Variants in A1BG observed in about 807,000 individuals in gnomAD.
A1BG encodes alpha-1B-glycoprotein.
A neutral mutation model predicts 46.0 loss-of-function variants in A1BG; 44 were observed. That is an observed-to-expected ratio of 0.96 (90% CI 0.75 to 1.23). The LOEUF is 1.23. A1BG is among the 50% of genes most tolerant of loss of function. The probability of loss-of-function intolerance (pLI) is 0.00; values close to 1 mark genes in which losing one functional copy is unlikely to be tolerated. For synonymous variants in A1BG, 316 were observed against 314.7 expected, an observed-to-expected ratio of 1.00 and a Z score of -0.04; for missense variants, 707 against 688.8, an observed-to-expected ratio of 1.03 and a Z score of -0.30.
chr19:58,350,209 C>T, intron 6 of A1BG, 161 bp downstream of exon 6: 1 of 951,186 alleles, frequency 1.1e-6, no homozygotes, highest in Non-Finnish European at 1.5e-6. Context: ...CGTCCCCAGA[C>T]CCTCGACCAC....
At chr19:58,349,658 A>C (rs975901568) in intron 6 of A1BG, 1 of 151,516 alleles carries the variant, frequency 6.6e-6, no homozygotes, top group Non-Finnish European at 1.5e-5. Flanking sequence ...CAAAAAAAAA[A>C]CAAAAAGGAG....
chr19:58,347,694 G>GGCCGCGCCCAT (rs1600502612), intron 6 of A1BG, 54 bp from the exon 7 acceptor site: 18 of 862,802 alleles, frequency 2.1e-5, no homozygotes, highest in Non-Finnish European at 2.8e-5. Context: ...CCACGCCCCA[G>GGCCGCGCCCAT]GCCACACCCC....
rs199736604 is a variant in A1BG at position 58,353,445 on chromosome 19, G to C, written c.-8C>G. 1 of 1,608,226 alleles carries C rather than the reference G, an allele frequency of 6.2e-7. No individual in the cohort carries two copies. The highest frequency in any genetic ancestry group is 1.7e-5 in the Admixed American group (1 of 59,320). ...GACCACGAGCATGGACATGATGGTC[G>C]CGCTCACTCCGGTGCAGTGAGTGTC... On this transcript the variant is annotated 5_prime_UTR_variant, in exon 1 of 8. Transcript: ENST00000263100.
At chr19:58,347,738 C>T (rs2051926745) in intron 6 of A1BG, 98 bp from the exon 7 acceptor site, 1 of 734,438 alleles carries the variant, frequency 1.4e-6, no homozygotes, top group Non-Finnish European at 1.9e-6. Context: ...GCGCCTGCGC[C>T]TCAGCCCCGG....
rs1038275863 is a variant in A1BG, at chr19:58,346,698, G to A, written c.*324C>T. ...TGCAACACTGCACTCCAGCCTGGGT[G>A]ACAGTGTGAGACCCTGTCTCAAAAA... On this transcript the variant is annotated 3_prime_UTR_variant, in exon 8 of 8. Coordinates refer to ENST00000263100, the MANE Select transcript of A1BG (RefSeq NM_130786.4). 1 of 409,458 alleles carries A rather than the reference G, an allele frequency of 2.4e-6. No homozygotes were observed. The highest frequency in any genetic ancestry group is 2.1e-5 in the African/African-American group (1 of 48,018). 25.4% of individuals were successfully genotyped at this position (409,458 alleles called of 1,614,324 possible).
intron 5 of A1BG, 71 bp downstream of exon 5, chr19:58,351,320 C>T (rs1243394952): frequency 6.4e-7 from 1 of 1,567,778 alleles, no homozygotes; most frequent in African/African-American, 1.3e-5. Flanking sequence ...CTTCCCCAGA[C>T]TCTACACCTG....
rs1255801696 is a variant in A1BG at position 58,351,792 on chromosome 19, A to ATT, written c.614-107_614-106dup. ...GTGGCAATCCCAGGAACACCCTTCCATTCTTTTTTTTTTTTTTTTTTGAAA... is the reference window on the plus strand; with the variant it reads ...GTGGCAATCCCAGGAACACCCTTCCATTTTCTTTTTTTTTTTTTTTTTTGAAA... On this transcript the variant is annotated intron_variant, in intron 4 of 7. Coordinates refer to ENST00000263100, the MANE Select transcript of A1BG (RefSeq NM_130786.4). 588 of 967,164 alleles carry ATT rather than the reference A, an allele frequency of 6.1e-4. 2 individuals are homozygous for ATT. The African/African-American group carries it at 7.6e-3, about 13-fold the overall frequency. 59.9% of individuals were successfully genotyped at this position (967,164 alleles called of 1,614,324 possible).
In A1BG at chr19:58,351,500, G is replaced by C. The variant is rs778577569; in HGVS notation, c.801C>G (p.Asn267Lys). Residue 267 changes from asparagine to lysine, a missense_variant, in exon 5 of 8, where the codon AAC (asparagine) becomes AAG (lysine). Asn to Lys is a moderately conservative substitution (Grantham distance 94). Transcript: ENST00000263100. ...TSPDRIFFHL[N>K]AVALGDGGHY... ...GACCTCCATCCCCCAGGGCCACCGC[G>C]TTCAGGTGAAAGAAGATGCGATCTG... is the stretch of plus-strand genomic sequence containing the variant. The C allele has an allele frequency of 6.2e-7, 1 of 1,613,860 alleles. No homozygotes were observed.
In A1BG at chr19:58,351,792, ATTC is replaced by A. The variant is rs994980754; in HGVS notation, c.614-108_614-106del. Reference sequence around the variant, plus strand: ...GTGGCAATCCCAGGAACACCCTTCCATTCTTTTTTTTTTTTTTTTTTGAAACGG... The same window carrying A: ...GTGGCAATCCCAGGAACACCCTTCCATTTTTTTTTTTTTTTTTTGAAACGG... On this transcript the variant is annotated intron_variant, in intron 4 of 7. Transcript: ENST00000263100. 1.0e-5 allele frequency: 10 copies of A among 968,456 alleles called. No individual in the cohort carries two copies. In the African/African-American group the frequency reaches 1.8e-4, roughly 17 times the overall value. 60.0% of individuals were successfully genotyped at this position (968,456 alleles called of 1,614,324 possible).
chr19:58,352,256 G>A (rs1224125957), intron 4 of A1BG, 27 bp downstream of exon 4: 1 of 1,608,256 alleles, frequency 6.2e-7, no homozygotes, highest in African/African-American at 1.3e-5. Flanking sequence ...TCCCCCAGCA[G>A]CCCCCAGAGA....
chr19:58,351,832 T>C, intron 4 of A1BG, 145 bp from the exon 5 acceptor site: 2 of 922,738 alleles, frequency 2.2e-6, no homozygotes, highest in Non-Finnish European at 3.2e-6. Flanking sequence ...GTTTCGCTCT[T>C]GTTGCCCAGG....
Position 58,351,379 on chromosome 19 carries a change from GC to G in A1BG, c.910+11del. On this transcript the variant is annotated intron_variant, in intron 5 of 7. Transcript: ENST00000263100. ...CCCAGCCGCGTCCCTGTCCCTGCTG[GC>G]CCCGGCTCACCATCGCTCAGAATCA... 2 of 1,606,420 alleles carry G rather than the reference GC, an allele frequency of 1.2e-6. No individual in the cohort carries two copies. Among genetic ancestry groups the G allele is most frequent in the Non-Finnish European group, 1.7e-6 (2 of 1,179,210 alleles).
At chr19:58,353,221 C>T (rs779208342) in intron 2 of A1BG, 24 bp from the exon 3 acceptor site, 7 of 1,613,482 alleles carry the variant, frequency 4.3e-6, no homozygotes, top group Non-Finnish European at 5.9e-6. Context: ...CTGGGATCAG[C>T]TCAGTGCCAC....
rs1600502436 is a variant in A1BG, at chr19:58,347,650, G to A, written c.1193-10C>T. The A allele has an allele frequency of 2.5e-5, 34 of 1,386,520 alleles. No homozygotes were observed. The highest frequency in any genetic ancestry group is 2.9e-5 in the Non-Finnish European group (31 of 1,084,578). The allele number at this position is 1,386,520 out of a possible 1,614,324, so 85.9% of individuals were successfully genotyped here. A position where few individuals can be genotyped will look rare whatever the true frequency, so the allele number is the denominator to read the frequency against. On this transcript the variant is annotated splice_polypyrimidine_tract_variant and intron_variant, in intron 6 of 7. Transcript: ENST00000263100. ...GGCCTGGGAGGGGGTCCTGGGCGGAGCGGGCGGGTGGTCGGGCCAGGCCAC... is the reference window on the plus strand; with the variant it reads ...GGCCTGGGAGGGGGTCCTGGGCGGAACGGGCGGGTGGTCGGGCCAGGCCAC...
chr19:58,347,193 G>A (rs2051919145), intron 7 of A1BG, among the ~76,000 whole-genome samples, 160 bp downstream of exon 7: 1 of 152,140 alleles, frequency 6.6e-6, no homozygotes, highest in Non-Finnish European at 1.5e-5. Flanking sequence ...GCCTTTGCTG[G>A]GCGGTTCCTC....
rs2051912090 is a variant in A1BG at position 58,346,114 on chromosome 19, T to C, written c.*908A>G. On this transcript the variant is annotated 3_prime_UTR_variant, in exon 8 of 8. Transcript: ENST00000263100. The stretch of plus-strand genomic sequence containing the variant: ...GGACTGGGAGGACAAGACCACAAAA[T>C]GCAGCTTCCCTGAACCTCCTCTTGG... 1 of 152,396 alleles carries C rather than the reference T, an allele frequency of 6.6e-6. No individual in the cohort carries two copies. The highest frequency in any genetic ancestry group is 2.4e-5 in the African/African-American group (1 of 41,450). The allele number at this position is 152,396 out of a possible 1,614,324, so 9.4% of individuals were successfully genotyped here. A position where few individuals can be genotyped will look rare whatever the true frequency, so the allele number is the denominator to read the frequency against.
At chr19:58,351,047 A>C (rs1449843816) in intron 5 of A1BG, 1 of 448,624 alleles carries the variant, frequency 2.2e-6, no homozygotes, top group Non-Finnish European at 4.0e-6. Context: ...TCCGGTGCTC[A>C]GAGTTTGCTA....
chr19:58,347,105 A>G, intron 7 of A1BG, 76 bp from the exon 8 acceptor site: 1 of 1,555,628 alleles, frequency 6.4e-7, no homozygotes, highest in Non-Finnish European at 8.8e-7. Context: ...ATCAAGGCCG[A>G]CCTCCCTGAC....
rs767240825 is a variant in A1BG, at chr19:58,347,592, A to G, written c.1241T>C (p.Leu414Pro). The change falls in exon 7 of 8, where the codon CTG (leucine) becomes CCG (proline). Residue 414 changes from leucine (L) to proline (P), a missense_variant. Leu to Pro is a moderately conservative substitution (Grantham distance 98). Transcript: ENST00000263100. ...GCGCAGGACGGCATCTCGGCCCGCC[A>G]GGACCGCCCCACTCCACGTCGCCCG... ...QLRATWSGAV[L>P]AGRDAVLRCE... 3.6e-5 allele frequency: 55 copies of G among 1,510,612 alleles called. No individual in the cohort carries two copies. Among genetic ancestry groups the G allele is most frequent in the Non-Finnish European group, 1.1e-5 (13 of 1,135,196 alleles). The allele number at this position is 1,510,612 out of a possible 1,614,324, so 93.6% of individuals were successfully genotyped here. A position where few individuals can be genotyped will look rare whatever the true frequency, so the allele number is the denominator to read the frequency against.
Sources: allele counts gnomAD v4.1 joint callset (sites outside exome capture counted in the v4.1 genomes callset), GRCh38; gene constraint gnomAD v4.1.1; transcripts MANE v1.5; gene names NCBI Gene and HGNC (gene_info 2026-07-23, HGNC 2026-07-21).